The following ZC3HC1 variants were observed in gnomAD, a reference collection of about 807,000 sequenced individuals.
ZC3HC1 encodes zinc finger C3HC-type containing 1.
ZC3HC1 carries 38 observed loss-of-function variants against 61.9 expected under a neutral mutation model. The observed-to-expected ratio is 0.61, with a 90% CI of 0.47 to 0.81. The LOEUF is 0.81. Among genes scored for constraint, ZC3HC1 ranks in the 30% least tolerant of loss-of-function variants. The probability of loss-of-function intolerance (pLI) is 0.00; values close to 1 mark genes in which losing one functional copy is unlikely to be tolerated. For missense variants in ZC3HC1, 554 were observed against 622.7 expected (o/e 0.89, Z 1.17); for synonymous variants, 213 against 229.9 (o/e 0.93, Z 0.67).
At chr7:130,047,777 A>T (rs778282398) in intron 2 of ZC3HC1, among the ~76,000 whole-genome samples, 6 of 152,194 alleles carry the variant, frequency 3.9e-5, no homozygotes, top group Non-Finnish European at 5.9e-5. Flanking sequence ...GGTGGCTCCA[A>T]TGATCCCTGC....
chr7:130,031,251 G>A (rs1250816156), intron 4 of ZC3HC1, among the ~76,000 whole-genome samples: 15 of 151,166 alleles, frequency 9.9e-5, no homozygotes, highest in South Asian at 2.1e-4. Flanking sequence ...GCTTGAACCC[G>A]GGAGGCGGAG....
At chr7:130,019,809 GTTTTTTT>G (rs754542017) in intron 9 of ZC3HC1, among the ~76,000 whole-genome samples, 4 of 95,798 alleles carry the variant, frequency 4.2e-5, no homozygotes, top group East Asian at 2.3e-4. Context: ...GCTTTCACAG[GTTTTTTT>G]TTTTTTTTTT....
At chr7:130,022,934 CAT>C (rs1793712081) in intron 8 of ZC3HC1, 3 of 238,108 alleles carry the variant, frequency 1.3e-5, no homozygotes, top group Non-Finnish European at 2.5e-5. Flanking sequence ...GTGAACTGCA[CAT>C]GAGAGGGATC....
At position 130,040,963 on chromosome 7, in the gene ZC3HC1, C is replaced by A; in HGVS notation, c.397G>T (p.Asp133Tyr). ...FLCASLQPAFDFDRYKQRCAE... is the reference protein window; with the variant it reads ...FLCASLQPAFYFDRYKQRCAE... ...ACCTTATACTTACATCTGTCAAAGT[C>A]AAAAGCTGGTTGTAAACTGGCACAG... The change falls in exon 3 of 10, where the codon GAC becomes TAC. Residue 133 changes from aspartate (D) to tyrosine (Y), a missense_variant. Coordinates refer to ENST00000358303, the MANE Select transcript of ZC3HC1 (RefSeq NM_016478.5). 6.2e-7 allele frequency: 1 copy of A among 1,612,386 alleles called. No homozygotes were observed. The highest frequency in any genetic ancestry group is 1.1e-5 in the South Asian group (1 of 90,710).
At chr7:130,046,480 G>A (rs557964099) in intron 2 of ZC3HC1, among the ~76,000 whole-genome samples, 63 of 151,800 alleles carry the variant, frequency 4.2e-4, no homozygotes, top group Non-Finnish European at 7.2e-4. Flanking sequence ...GGTGGCGGGC[G>A]CCTGTAATCT....
At chr7:130,050,858 G>A (rs1242425347) in intron 1 of ZC3HC1, among the ~76,000 whole-genome samples, 1 of 152,082 alleles carries the variant, frequency 6.6e-6, no homozygotes, top group Non-Finnish European at 1.5e-5. Context: ...TTTACTTTAA[G>A]CATTTAAAAA....
chr7:130,038,756 A>T lies in ZC3HC1; in HGVS notation c.493+708T>A, dbSNP rs371125966. Among the ~76,000 whole-genome samples the T allele has an allele frequency of 1.3e-3, 193 of 148,088 alleles. 1 individual carries two copies. Among genetic ancestry groups the T allele is most frequent in the African/African-American group, 4.6e-3 (186 of 40,518 alleles). ...GTACCTGTAATCCCAGCTACTCGGG[A>T]GGCTGAGGCAGGAGAATCGCTTGAA... On this transcript the variant is annotated intron_variant, in intron 4 of 9. Transcript: ENST00000358303.
chr7:130,019,143 T>G (rs1173006336), intron 9 of ZC3HC1, among the ~76,000 whole-genome samples: 5 of 148,894 alleles, frequency 3.4e-5, no homozygotes, highest in Non-Finnish European at 7.4e-5. Context: ...AAGCTCTGCC[T>G]CCCGGGTTCA....
chr7:130,047,446 G>A (rs1360720298), intron 2 of ZC3HC1, among the ~76,000 whole-genome samples: 1 of 152,132 alleles, frequency 6.6e-6, no homozygotes, highest in African/African-American at 2.4e-5. Flanking sequence ...TTATTTTATG[G>A]TCTTAAATTC....
At chr7:130,045,274 T>C in intron 2 of ZC3HC1, 1 of 240,076 alleles carries the variant, frequency 4.2e-6, no homozygotes, top group East Asian at 9.7e-5. Context: ...TTTCTGTAAG[T>C]CTGTAATTTA....
In ZC3HC1 at chr7:130,026,140, C is replaced by A; in HGVS notation, c.776+18G>T. 1 of 1,608,476 alleles carries A rather than the reference C, an allele frequency of 6.2e-7. No individual in the cohort carries two copies. Among genetic ancestry groups the A allele is most frequent in the South Asian group, 1.1e-5 (1 of 90,762 alleles). The stretch of plus-strand genomic sequence containing the variant: ...TGTTGTCATGGTTCATGTCTCCAGG[C>A]AAAATCTGCTGACTCACCTACACGC... On this transcript the variant is annotated intron_variant, in intron 6 of 9. Coordinates refer to ENST00000358303, the MANE Select transcript of ZC3HC1 (RefSeq NM_016478.5).
In ZC3HC1 at chr7:130,023,456, G is replaced by T; in HGVS notation, c.1233+55C>A. ...TGCCTGCTTCTCCATGCTGCCTAGG[G>T]AGGGCCCAATATGCTGTTTATGCTC... On this transcript the variant is annotated intron_variant, in intron 8 of 9. Transcript: ENST00000358303. The surrounding 1 kb of genome is among the most constrained non-coding windows in gnomAD (Gnocchi z 4.2). 3.8e-6 allele frequency: 6 copies of T among 1,560,512 alleles called. No homozygotes were observed. The highest frequency in any genetic ancestry group is 4.4e-6 in the Non-Finnish European group (5 of 1,137,148).
intron 5 of ZC3HC1, among the ~76,000 whole-genome samples, chr7:130,027,905 A>C (rs1375039914): frequency 6.6e-6 from 1 of 151,996 alleles, no homozygotes; most frequent in Non-Finnish European, 1.5e-5. Context: ...GTGGTGGCTC[A>C]CATCTGTAAT....
At chr7:130,035,234 A>G (rs1794383256) in intron 4 of ZC3HC1, among the ~76,000 whole-genome samples, 1 of 151,994 alleles carries the variant, frequency 6.6e-6, no homozygotes, top group African/African-American at 2.4e-5. Flanking sequence ...TACTAAAAAT[A>G]CAAAACTTAG....
chr7:130,043,868 A>C (rs1238237035), intron 2 of ZC3HC1: 3 of 455,602 alleles, frequency 6.6e-6, no homozygotes, highest in Non-Finnish European at 1.3e-5. Context: ...CATATAGGGG[A>C]TTGATCAAAG....
At chr7:130,045,649 C>G (rs1794832999) in intron 2 of ZC3HC1, among the ~76,000 whole-genome samples, 1 of 152,054 alleles carries the variant, frequency 6.6e-6, no homozygotes, top group East Asian at 1.9e-4. Flanking sequence ...CGCCTGTAAT[C>G]CCAGCACTTT....
chr7:130,035,446 G>A (rs1047000525), intron 4 of ZC3HC1, among the ~76,000 whole-genome samples: 2 of 149,896 alleles, frequency 1.3e-5, no homozygotes, highest in Admixed American at 6.7e-5. Flanking sequence ...AAAAAATCTC[G>A]TAGTTTCGCA....
intron 4 of ZC3HC1, among the ~76,000 whole-genome samples, chr7:130,035,402 A>C (rs1486383311): frequency 6.6e-6 from 1 of 151,844 alleles, no homozygotes; most frequent in Non-Finnish European, 1.5e-5. Context: ...AAAAAAAAAA[A>C]AAAAAACAGC....
chr7:130,031,186 AGGCAT>A (rs1274686233), intron 4 of ZC3HC1, among the ~76,000 whole-genome samples: 1 of 151,648 alleles, frequency 6.6e-6, no homozygotes, highest in East Asian at 2.0e-4. Context: ...AAAATTAGCC[AGGCAT>A]GGTGGCGCAT....
Sources: gnomAD v4.1 joint callset for allele counts (sites outside exome capture counted in the v4.1 genomes callset) on GRCh38, gnomAD v4.1.1 for gene constraint, Gnocchi (gnomAD v3.1) non-coding constraint, MANE v1.5 for transcripts, NCBI Gene and HGNC (gene_info 2026-07-23, HGNC 2026-07-21) for gene names.